Variants in APBA1 observed in about 807,000 individuals in gnomAD.
APBA1 encodes the protein amyloid beta precursor protein binding family A member 1.
APBA1 carries 55 observed loss-of-function variants against 86.6 expected under a neutral mutation model. The ratio of observed to expected loss-of-function variants is 0.64; its 90% confidence interval spans 0.51 to 0.80. The LOEUF (loss-of-function observed/expected upper bound fraction) is 0.80. APBA1 is among the 30% of genes least tolerant of loss of function. The probability of loss-of-function intolerance (pLI) is 0.00; values close to 1 mark genes in which losing one functional copy is unlikely to be tolerated. For missense variants in APBA1, 1,090 were observed against 1,183.0 expected, an observed-to-expected ratio of 0.92 and a Z score of 1.15; for synonymous variants, 511 against 493.9, an observed-to-expected ratio of 1.03 and a Z score of -0.46.
At chr9:69,504,850 C>T (rs1469438906) in intron 2 of APBA1, among the ~76,000 whole-genome samples, 4 of 152,122 alleles carry the variant, frequency 2.6e-5, no homozygotes, top group East Asian at 1.9e-4. Context: ...CCATCTTCTG[C>T]GGGGAGGAGG....
chr9:69,442,327 C>T (rs1834837733), intron 10 of APBA1, among the ~76,000 whole-genome samples: 1 of 152,184 alleles, frequency 6.6e-6, no homozygotes, highest in South Asian at 2.1e-4. Flanking sequence ...AGCCCCTGGC[C>T]CTGCTATAAG....
At chr9:69,668,880 C>T (rs118127931) in intron 1 of APBA1, among the ~76,000 whole-genome samples, 3,461 of 152,272 alleles carry the variant, frequency 0.023, 54 homozygotes, top group South Asian at 0.032. Context: ...AATGCTATAT[C>T]CCATGTAACC....
chr9:69,567,423 T>C (rs1432931650), intron 1 of APBA1, among the ~76,000 whole-genome samples: 1 of 152,140 alleles, frequency 6.6e-6, no homozygotes. Flanking sequence ...TTTTTTTATT[T>C]ATTATTATTT....
chr9:69,502,682 T>C (rs1331361580), intron 2 of APBA1, among the ~76,000 whole-genome samples: 1 of 152,076 alleles, frequency 6.6e-6, no homozygotes, highest in African/African-American at 2.4e-5. Context: ...AAATGCACCC[T>C]GGTAAAAGAA....
chr9:69,575,363 G>A (rs1821772359), intron 1 of APBA1, among the ~76,000 whole-genome samples: 1 of 152,050 alleles, frequency 6.6e-6, no homozygotes, highest in Non-Finnish European at 1.5e-5. Flanking sequence ...CTACTTTAAA[G>A]TTCATATGGA....
chr9:69,460,650 C>CGGTT (rs1835176540), intron 5 of APBA1: 1 of 150,750 alleles, frequency 6.6e-6, no homozygotes, highest in Non-Finnish European at 1.5e-5. Context: ...CTGGAGTACC[C>CGGTT]AAATTCTTTT....
At chr9:69,481,130 T>G (rs1408078633) in intron 2 of APBA1, among the ~76,000 whole-genome samples, 1 of 150,964 alleles carries the variant, frequency 6.6e-6, no homozygotes, top group African/African-American at 2.4e-5. Context: ...CCAGGGCAAT[T>G]AGGCAGGAGA....
intron 10 of APBA1, among the ~76,000 whole-genome samples, chr9:69,442,687 A>G (rs1474480630): frequency 6.6e-6 from 1 of 152,186 alleles, no homozygotes; most frequent in Non-Finnish European, 1.5e-5. Flanking sequence ...ATCCAAGAAA[A>G]GCATGCATGA....
At chr9:69,562,951 C>T (rs532792311) in intron 1 of APBA1, among the ~76,000 whole-genome samples, 1 of 152,328 alleles carries the variant, frequency 6.6e-6, no homozygotes, top group African/African-American at 2.4e-5. Flanking sequence ...TCACTATCAA[C>T]TCCAAAGCTA....
intron 1 of APBA1, among the ~76,000 whole-genome samples, chr9:69,612,136 A>G (rs1342214748): frequency 6.6e-6 from 1 of 152,038 alleles, no homozygotes; most frequent in African/African-American, 2.4e-5. Flanking sequence ...AGTTTAATGA[A>G]AACATCTTTA....
At chr9:69,496,100 A>G (rs1835790355) in intron 2 of APBA1, among the ~76,000 whole-genome samples, 1 of 152,090 alleles carries the variant, frequency 6.6e-6, no homozygotes, top group Admixed American at 6.5e-5. Context: ...GAGAAAGGTC[A>G]AGACAAACAT....
intron 1 of APBA1, among the ~76,000 whole-genome samples, chr9:69,551,919 C>T (rs1836791032): frequency 6.6e-6 from 1 of 152,212 alleles, no homozygotes; most frequent in Non-Finnish European, 1.5e-5. Context: ...AATGCCTACT[C>T]TGCAGAAGGC....
At chr9:69,543,461 G>A (rs1836651335) in intron 1 of APBA1, among the ~76,000 whole-genome samples, 1 of 152,098 alleles carries the variant, frequency 6.6e-6, no homozygotes, top group Admixed American at 6.5e-5. Flanking sequence ...CACTGATCTG[G>A]CCCCCTGTAC....
intron 2 of APBA1, among the ~76,000 whole-genome samples, chr9:69,512,450 C>G (rs1043904888): frequency 1.3e-5 from 2 of 152,166 alleles, no homozygotes; most frequent in African/African-American, 4.8e-5. Flanking sequence ...AATGGCAATA[C>G]AGGTTTTTTT....
chr9:69,440,776 C>T, intron 11 of APBA1, among the ~76,000 whole-genome samples: 1 of 152,116 alleles, frequency 6.6e-6, no homozygotes, highest in Admixed American at 6.5e-5. Context: ...GCACAGTGCG[C>T]TGCACCCACT....
intron 1 of APBA1, among the ~76,000 whole-genome samples, chr9:69,532,942 A>G (rs1836455643): frequency 6.6e-6 from 1 of 152,258 alleles, no homozygotes; most frequent in Non-Finnish European, 1.5e-5. Flanking sequence ...ATTGTGTGAA[A>G]TAACTTAAGT....
intron 1 of APBA1, among the ~76,000 whole-genome samples, chr9:69,640,370 G>A (rs909424747): frequency 6.6e-6 from 1 of 152,066 alleles, no homozygotes; most frequent in African/African-American, 2.4e-5. Flanking sequence ...GCTCATCTGG[G>A]GCACAAGTAT....
chr9:69,650,665 C>A (rs974186119), intron 1 of APBA1, among the ~76,000 whole-genome samples: 2 of 152,166 alleles, frequency 1.3e-5, no homozygotes, highest in Admixed American at 6.5e-5. Flanking sequence ...GAAGCATATG[C>A]CTCATTTCCC....
intron 1 of APBA1, among the ~76,000 whole-genome samples, chr9:69,636,822 AGAGAGAGAGGGAGGGAGGGAGG>A (rs1823171968): frequency 3.5e-5 from 1 of 28,750 alleles, no homozygotes; most frequent in Admixed American, 3.0e-4. Context: ...AGAGAGAGAG[AGAGAGAGAGGGAGGGAGGGAGG>A]GAGGGAGGGA....
Sources: allele counts gnomAD v4.1 joint callset (sites outside exome capture counted in the v4.1 genomes callset), GRCh38; gene constraint gnomAD v4.1.1; transcripts MANE v1.5; gene names NCBI Gene and HGNC (gene_info 2026-07-23, HGNC 2026-07-21).